The following ETV1 variants were observed in gnomAD, a reference collection of about 807,000 sequenced individuals.
The protein encoded by ETV1 is ETS variant transcription factor 1.
ETV1 carries 27 observed loss-of-function variants against 62.3 expected under a neutral mutation model. The observed-to-expected ratio is 0.43, with a 90% CI of 0.32 to 0.60. The LOEUF (loss-of-function observed/expected upper bound fraction) is 0.60, where lower values mean the gene tolerates loss of function less well. Among genes scored for constraint, ETV1 ranks in the 20% least tolerant of loss-of-function variants. The pLI, the probability that ETV1 is intolerant of heterozygous loss-of-function variation, is 0.06. For missense variants in ETV1, 605 were observed against 605.8 expected (o/e 1.00, Z 0.01); for synonymous variants, 222 against 199.6 (o/e 1.11, Z -0.94).
At position 13,900,853 on chromosome 7, in the gene ETV1, G is replaced by A. The variant is rs375798136; in HGVS notation, c.1111-14C>T. 7.8e-6 allele frequency: 12 copies of A among 1,547,656 alleles called. No homozygotes were observed. In the African/African-American group the frequency reaches 8.1e-5, roughly 10 times the overall value. On this transcript the variant is annotated splice_polypyrimidine_tract_variant and intron_variant, in intron 12 of 13. Transcript: ENST00000430479. Reference sequence around the variant, plus strand: ...ACGTCGGGCCACCTGCCGCGAAACAGAATTACATTGTAGTGTTAAGTATTA... The same window carrying A: ...ACGTCGGGCCACCTGCCGCGAAACAAAATTACATTGTAGTGTTAAGTATTA...
At chr7:13,953,802 T>C (rs1789100772) in intron 6 of ETV1, among the ~76,000 whole-genome samples, 1 of 152,008 alleles carries the variant, frequency 6.6e-6, no homozygotes, top group Non-Finnish European at 1.5e-5. Context: ...CTCTAACAAA[T>C]AGTTTAGAAC....
chr7:13,923,119 T>C (rs572449282), intron 9 of ETV1, among the ~76,000 whole-genome samples: 11 of 152,340 alleles, frequency 7.2e-5, no homozygotes, highest in Admixed American at 4.6e-4. Context: ...AGTCAGTTGA[T>C]TGAGGCTCTG....
Position 13,930,554 on chromosome 7 carries a change from C to A in ETV1, c.802+948G>T, listed in dbSNP as rs545683076. Reference sequence around the variant, plus strand: ...GCCAGGATGGTCTCAATCTCCTGACCTCGTAATCCGCCCACCTCGGCCTCC... The same window carrying A: ...GCCAGGATGGTCTCAATCTCCTGACATCGTAATCCGCCCACCTCGGCCTCC... On this transcript the variant is annotated intron_variant, in intron 9 of 13. Transcript: ENST00000430479. Among the ~76,000 whole-genome samples the A allele has an allele frequency of 2.0e-5, 3 of 151,972 alleles. No homozygotes were observed. The East Asian group carries it at 5.9e-4, about 30-fold the overall frequency.
intron 5 of ETV1, among the ~76,000 whole-genome samples, chr7:13,982,384 A>G (rs1249998990): frequency 1.3e-5 from 2 of 152,108 alleles, no homozygotes; most frequent in Non-Finnish European, 2.9e-5. Flanking sequence ...TTTATTTATT[A>G]GGATCCTCTG....
intron 6 of ETV1, among the ~76,000 whole-genome samples, chr7:13,956,178 A>C (rs1253806086): frequency 6.6e-6 from 1 of 152,240 alleles, no homozygotes; most frequent in Non-Finnish European, 1.5e-5. Context: ...AGTATTCACT[A>C]ATTACATACA....
chr7:13,984,748 A>C (rs1427769509), intron 5 of ETV1, among the ~76,000 whole-genome samples: 1 of 151,978 alleles, frequency 6.6e-6, no homozygotes, highest in Non-Finnish European at 1.5e-5. Context: ...ATGTTCTTCC[A>C]AATACACTGA....
chr7:13,956,659 A>G (rs1049475373), intron 6 of ETV1, among the ~76,000 whole-genome samples: 1 of 152,258 alleles, frequency 6.6e-6, no homozygotes, highest in African/African-American at 2.4e-5. Flanking sequence ...CATGGAAGCA[A>G]TAATACTTGA....
chr7:13,946,035 T>C (rs916085259), intron 6 of ETV1, among the ~76,000 whole-genome samples: 5 of 152,242 alleles, frequency 3.3e-5, no homozygotes, highest in Non-Finnish European at 5.9e-5. Context: ...GTTACAGGCA[T>C]CTGCGTTGTT....
intron 6 of ETV1, among the ~76,000 whole-genome samples, chr7:13,954,778 G>C (rs773676935): frequency 5.2e-4 from 79 of 152,156 alleles, no homozygotes; most frequent in Non-Finnish European, 9.3e-4. Flanking sequence ...ACATGATTGA[G>C]ATCAATTCAG....
At chr7:13,955,667 T>C (rs2128476624) in intron 6 of ETV1, among the ~76,000 whole-genome samples, 1 of 152,294 alleles carries the variant, frequency 6.6e-6, no homozygotes, top group South Asian at 2.1e-4. Flanking sequence ...AATACCTCTT[T>C]AAATACTTTG....
At chr7:13,961,303 G>A (rs1449592646) in intron 6 of ETV1, among the ~76,000 whole-genome samples, 2 of 152,128 alleles carry the variant, frequency 1.3e-5, no homozygotes, top group Admixed American at 6.5e-5. Context: ...ATTTTATAAG[G>A]TGATCTTTGG....
intron 9 of ETV1, among the ~76,000 whole-genome samples, chr7:13,917,599 G>A (rs182700640): frequency 6.6e-6 from 1 of 151,736 alleles, no homozygotes; most frequent in East Asian, 2.0e-4. Flanking sequence ...TTACAGGGGT[G>A]AGCCACCGCG....
At position 13,893,756 on chromosome 7, in the gene ETV1, A is replaced by G. The variant is rs1470744302; in HGVS notation, c.*2110T>C. 4.3e-6 allele frequency: 1 copy of G among 232,830 alleles called. No individual in the cohort carries two copies. The highest frequency in any genetic ancestry group is 2.2e-5 in the African/African-American group (1 of 45,310). The allele number at this position is 232,830 out of a possible 1,614,324, so 14.4% of individuals were successfully genotyped here. On this transcript the variant is annotated 3_prime_UTR_variant, in exon 14 of 14. Transcript: ENST00000430479. Reference sequence around the variant, plus strand: ...TTATATATCTCAATTCCTTTTTCCAATAAAACTTTCACTGAATATTTTAAC... The same window carrying G: ...TTATATATCTCAATTCCTTTTTCCAGTAAAACTTTCACTGAATATTTTAAC...
chr7:13,921,794 C>T (rs1472279302), intron 9 of ETV1, among the ~76,000 whole-genome samples: 1 of 152,044 alleles, frequency 6.6e-6, no homozygotes, highest in Non-Finnish European at 1.5e-5. Flanking sequence ...ATGAACCCAC[C>T]ATTCAGAAAA....
chr7:13,953,512 G>A (rs1251622106), intron 6 of ETV1, among the ~76,000 whole-genome samples: 1 of 152,084 alleles, frequency 6.6e-6, no homozygotes, highest in Non-Finnish European at 1.5e-5. Flanking sequence ...TAGCTGAGTA[G>A]GAGCTGGAAG....
At chr7:13,912,700 T>G (rs1376858329) in intron 9 of ETV1, among the ~76,000 whole-genome samples, 1 of 152,180 alleles carries the variant, frequency 6.6e-6, no homozygotes, top group East Asian at 1.9e-4. Flanking sequence ...TTAAAATGGA[T>G]ACACTTGGCT....
At position 13,925,268 on chromosome 7, in the gene ETV1, AC is replaced by A. The variant is rs1199653334; in HGVS notation, c.802+6233del. ...AGAATAGGTCTTCAGGGCTAAAAAC[AC>A]CTTATTAATGTACATTACTCCTCCA... is the stretch of plus-strand genomic sequence containing the variant. On this transcript the variant is annotated intron_variant, in intron 9 of 13. Coordinates refer to ENST00000430479, the MANE Select transcript of ETV1 (RefSeq NM_004956.5). Among the ~76,000 whole-genome samples, 4 of 152,242 alleles carry A rather than the reference AC, an allele frequency of 2.6e-5. No individual in the cohort carries two copies. The East Asian group carries it at 7.8e-4, about 30-fold the overall frequency.
intron 9 of ETV1, among the ~76,000 whole-genome samples, chr7:13,920,929 A>G (rs1784774134): frequency 6.6e-6 from 1 of 152,240 alleles, no homozygotes; most frequent in Non-Finnish European, 1.5e-5. Context: ...AAAATCAATT[A>G]GGAAGACATC....
chr7:13,939,268 T>C (rs543031724), intron 6 of ETV1, 22 bp from the exon 7 acceptor site: 2 of 1,593,050 alleles, frequency 1.3e-6, no homozygotes, highest in South Asian at 1.1e-5. Flanking sequence ...AACAAAAATA[T>C]CCACAAAAAT....
Sources: allele counts gnomAD v4.1 joint callset (sites outside exome capture counted in the v4.1 genomes callset), GRCh38; gene constraint gnomAD v4.1.1; transcripts MANE v1.5; gene names NCBI Gene and HGNC (gene_info 2026-07-23, HGNC 2026-07-21).